The following NLRP1 variants were observed in gnomAD, a reference collection of about 807,000 sequenced individuals.
NLRP1 encodes NACHT, LRR and PYD domains-containing protein 1.
Under a neutral mutation model 136.7 loss-of-function variants are expected in NLRP1, and 94 were observed. That is an observed-to-expected ratio of 0.69 (90% CI 0.58 to 0.82). The LOEUF (loss-of-function observed/expected upper bound fraction) is 0.82. Ranked by LOEUF, NLRP1 falls within the 40% of genes least tolerant of loss-of-function variation. The pLI, the probability that NLRP1 is intolerant of heterozygous loss-of-function variation, is 0.00. For missense variants in NLRP1, 1,575 were observed against 1,802.7 expected (o/e 0.87, Z 2.29); for synonymous variants, 690 against 725.1 (o/e 0.95, Z 0.78).
downstream of NLRP1, among the ~76,000 whole-genome samples, chr17:5,513,652 T>A (rs1056407855): frequency 6.6e-6 from 1 of 152,182 alleles, no homozygotes; most frequent in Non-Finnish European, 1.5e-5. Context: ...TGATGGCCCC[T>A]GTTCAGCATG....
intron 5 of NLRP1, among the ~76,000 whole-genome samples, chr17:5,550,840 T>G (rs531455770): frequency 6.6e-6 from 1 of 152,172 alleles, no homozygotes; most frequent in East Asian, 1.9e-4. Flanking sequence ...TTTCTCTGCT[T>G]CTTCTTTTTC....
chr17:5,505,622 G>A (rs567569494), intron 15 of NLRP1: 1 of 152,398 alleles, frequency 6.6e-6, no homozygotes, highest in East Asian at 1.9e-4. Context: ...TAAACCCCAA[G>A]CATGGGGGCC....
In NLRP1 at chr17:5,583,615, G is replaced by T; in HGVS notation, c.271+72C>A. 6.9e-7 allele frequency: 1 copy of T among 1,454,150 alleles called. No individual in the cohort carries two copies. The highest frequency in any genetic ancestry group is 9.3e-7 in the Non-Finnish European group (1 of 1,078,362). The allele number at this position is 1,454,150 out of a possible 1,614,324, so 90.1% of individuals were successfully genotyped here. ...CTGGCAGGGAGGGCTCAGTGGTGGG[G>T]TCCCAAGAGGGCAGGGCAGGCATGA... On this transcript the variant is annotated intron_variant, in intron 1 of 16. Transcript: ENST00000572272. The surrounding 1 kb of genome is among the most constrained non-coding windows in gnomAD (Gnocchi z 4.5).
At chr17:5,553,255 G>A in intron 5 of NLRP1, 131 bp downstream of exon 5, 1 of 779,712 alleles carries the variant, frequency 1.3e-6, no homozygotes, top group Non-Finnish European at 1.9e-6. Flanking sequence ...GTTTACTAAA[G>A]TCATCCCGGC....
At chr17:5,578,031 T>C (rs1905197098) in intron 3 of NLRP1, among the ~76,000 whole-genome samples, 1 of 152,232 alleles carries the variant, frequency 6.6e-6, no homozygotes, top group South Asian at 2.1e-4. Context: ...ATTTAATAAA[T>C]GGTGCTGGGA....
intron 4 of NLRP1, among the ~76,000 whole-genome samples, chr17:5,555,441 G>A (rs1913922067): frequency 6.6e-6 from 1 of 152,046 alleles, no homozygotes; most frequent in Non-Finnish European, 1.5e-5. Flanking sequence ...TGTGGCTGAA[G>A]CCTCTGACTT....
chr17:5,511,998 A>G, downstream of NLRP1: 1 of 536,694 alleles, frequency 1.9e-6, no homozygotes, highest in East Asian at 3.3e-5. Context: ...CTGGTTTAGA[A>G]AGTAACAATG....
Position 5,559,167 on chromosome 17 carries a change from T to C in NLRP1, c.1529A>G (p.Asn510Ser), listed in dbSNP as rs1341063354. 1.2e-6 allele frequency: 2 copies of C among 1,614,098 alleles called. No individual in the cohort carries two copies. The highest frequency in any genetic ancestry group is 2.2e-5 in the East Asian group (1 of 44,894). The change falls in exon 4 of 17, where the codon AAC (asparagine) becomes AGC (serine). Residue 510 changes from asparagine to serine, a missense_variant. Coordinates refer to ENST00000572272, the MANE Select transcript of NLRP1 (RefSeq NM_033004.4). The stretch of plus-strand genomic sequence containing the variant: ...AAGACACAGGGCCCAGAGCTCTTTG[T>C]TTGATTTGACCAACCTAAAGGCTCT... ...AIRAFRLVKS[N>S]KELWALCLVP...
At position 5,558,844 on chromosome 17, in the gene NLRP1, T is replaced by C; in HGVS notation, c.1852A>G (p.Ser618Gly). 1 of 1,614,140 alleles carries C rather than the reference T, an allele frequency of 6.2e-7. No individual in the cohort carries two copies. The highest frequency in any genetic ancestry group is 8.5e-7 in the Non-Finnish European group (1 of 1,180,022). ...AAACAGAGGTGAATGAAGCTGTAGC[T>C]CAGAGGGATGGGGTGCTCTTGAAGA... The part of the protein sequence containing the change: ...GILQEHPIPL[S>G]YSFIHLCFQE... Residue 618 changes from serine to glycine, a missense_variant, in exon 4 of 17, where the codon AGC becomes GGC. Physicochemically the swap from Ser to Gly is moderately conservative, Grantham distance 56 (BLOSUM62 0). Coordinates refer to ENST00000572272, the MANE Select transcript of NLRP1 (RefSeq NM_033004.4).
At position 5,553,557 on chromosome 17, in the gene NLRP1, C is replaced by G. The variant is rs1257106566; in HGVS notation, c.2358-1G>C. On this transcript the variant is annotated splice_acceptor_variant, in intron 4 of 16. Transcript: ENST00000572272. LOFTEE classifies it high-confidence loss of function. ...ATCTGTGACTGGGACCCACCTGAAC[C>G]TGAGGGGGAGAGAGAAGGACAGGAG... The G allele has an allele frequency of 3.1e-6, 5 of 1,613,378 alleles. No homozygotes were observed. Among genetic ancestry groups the G allele is most frequent in the Non-Finnish European group, 4.2e-6 (5 of 1,179,508 alleles).
intron 3 of NLRP1, among the ~76,000 whole-genome samples, chr17:5,572,458 C>T (rs1904479647): frequency 6.6e-6 from 1 of 152,148 alleles, no homozygotes; most frequent in African/African-American, 2.4e-5. Flanking sequence ...TGGCTCATGC[C>T]TGTAATCCTA....
At position 5,533,951 on chromosome 17, in the gene NLRP1, T is replaced by C; in HGVS notation, c.2998A>G (p.Thr1000Ala). ...GATGTGCTATTACTCATCTCTCCCG[T>C]ATCCAGGCCCTCAGTAGGGGTCATC... ...SVMTPTEGLDTGEMSNSTSSL... is the reference protein window; with the variant it reads ...SVMTPTEGLDAGEMSNSTSSL... Residue 1000 changes from threonine (T) to alanine (A), a missense_variant, in exon 9 of 17, where the codon ACG becomes GCG. Physicochemically the swap from Thr to Ala is moderately conservative, Grantham distance 58. Coordinates refer to ENST00000572272, the MANE Select transcript of NLRP1 (RefSeq NM_033004.4). 6.2e-7 allele frequency: 1 copy of C among 1,613,704 alleles called. No homozygotes were observed. Among genetic ancestry groups the C allele is most frequent in the Non-Finnish European group, 8.5e-7 (1 of 1,179,652 alleles).
At chr17:5,540,116 C>T (rs985270168) in intron 6 of NLRP1, among the ~76,000 whole-genome samples, 1 of 152,232 alleles carries the variant, frequency 6.6e-6, no homozygotes, top group Non-Finnish European at 1.5e-5. Context: ...GGGATGTTAA[C>T]TGCTGCCCTG....
At chr17:5,509,316 G>T (rs1445630806), downstream of NLRP1, among the ~76,000 whole-genome samples, 1 of 152,154 alleles carries the variant, frequency 6.6e-6, no homozygotes, top group African/African-American at 2.4e-5. Flanking sequence ...GTAATCACAG[G>T]TTCCAGAGGA....
At chr17:5,524,873 A>G (rs1909334071) in intron 12 of NLRP1, among the ~76,000 whole-genome samples, 1 of 152,110 alleles carries the variant, frequency 6.6e-6, no homozygotes, top group Admixed American at 6.5e-5. Context: ...CTTGCCCAGG[A>G]CCGAGAGGGC....
At chr17:5,544,892 G>A (rs1912369009) in intron 5 of NLRP1, among the ~76,000 whole-genome samples, 1 of 152,080 alleles carries the variant, frequency 6.6e-6, no homozygotes, top group Non-Finnish European at 1.5e-5. Flanking sequence ...TTTGGGTCTG[G>A]AGCTGCAGAT....
chr17:5,561,022 G>GC (rs1914675495), intron 3 of NLRP1, among the ~76,000 whole-genome samples: 1 of 152,154 alleles, frequency 6.6e-6, no homozygotes, highest in Non-Finnish European at 1.5e-5. Context: ...TATGTTCAGT[G>GC]CCTCTCCCTT....
At chr17:5,557,737 G>A (rs952669082) in intron 4 of NLRP1, among the ~76,000 whole-genome samples, 1 of 152,228 alleles carries the variant, frequency 6.6e-6, no homozygotes, top group East Asian at 1.9e-4. Flanking sequence ...CTGGAGAATG[G>A]TTGGAGGAAG....
intron 3 of NLRP1, 139 bp downstream of exon 3, chr17:5,581,720 G>A (rs1905666754): frequency 1.3e-6 from 1 of 776,086 alleles, no homozygotes; most frequent in South Asian, 1.4e-5. Context: ...AGGCTCCAAG[G>A]GTGGGATTTC....
Sources: allele counts gnomAD v4.1 joint callset (sites outside exome capture counted in the v4.1 genomes callset), GRCh38; gene constraint gnomAD v4.1.1; non-coding constraint Gnocchi (gnomAD v3.1); transcripts MANE v1.5; gene names NCBI Gene and HGNC (gene_info 2026-07-23, HGNC 2026-07-21).